The following PTPRD variants were observed in gnomAD, a reference collection of about 807,000 sequenced individuals.
PTPRD encodes the protein protein tyrosine phosphatase receptor type D, also known as receptor-type tyrosine-protein phosphatase delta.
Under a neutral mutation model 214.5 loss-of-function variants are expected in PTPRD, and 34 were observed. That is an observed-to-expected ratio of 0.16 (90% CI 0.12 to 0.21). The LOEUF (loss-of-function observed/expected upper bound fraction) is 0.21, where lower values mean the gene tolerates loss of function less well. PTPRD is among the 10% of genes least tolerant of loss of function. PTPRD has a pLI of 1.00. For synonymous variants in PTPRD, 1,128 were observed against 845.7 expected (o/e 1.33, Z -5.79); for missense variants, 2,545 against 2,398.7 (o/e 1.06, Z -1.27).
intron 11 of PTPRD, among the ~76,000 whole-genome samples, chr9:9,009,898 T>C (rs2099501080): frequency 6.6e-6 from 1 of 152,034 alleles, no homozygotes; most frequent in African/African-American, 2.4e-5. Flanking sequence ...CAAGGAGTTA[T>C]GAGAATTTTA....
intron 9 of PTPRD, among the ~76,000 whole-genome samples, chr9:9,364,013 T>C (rs1282997638): frequency 6.6e-6 from 1 of 151,438 alleles, no homozygotes; most frequent in Non-Finnish European, 1.5e-5. Flanking sequence ...AATACCACTT[T>C]AGAAAACATT....
chr9:10,142,668 C>T (rs2098994522), intron 3 of PTPRD, among the ~76,000 whole-genome samples: 2 of 148,682 alleles, frequency 1.3e-5, no homozygotes, highest in South Asian at 4.4e-4. Context: ...CACTTTTACA[C>T]TGTTGGTGGG....
chr9:10,304,039 G>C (rs2095964358), intron 3 of PTPRD, among the ~76,000 whole-genome samples: 1 of 152,136 alleles, frequency 6.6e-6, no homozygotes, highest in Non-Finnish European at 1.5e-5. Context: ...AGTGATTCCA[G>C]CAGCACATCA....
intron 11 of PTPRD, among the ~76,000 whole-genome samples, chr9:8,865,796 G>A (rs145361454): frequency 1.5e-4 from 23 of 152,218 alleles, no homozygotes; most frequent in Admixed American, 1.1e-3. Context: ...AAGGTACAAC[G>A]ACCTAGAGTT....
intron 10 of PTPRD, among the ~76,000 whole-genome samples, chr9:9,081,823 C>CTT (rs201454000): frequency 8.4e-4 from 115 of 137,676 alleles, no homozygotes; most frequent in African/African-American, 3.0e-3. Context: ...GCAACTCCTG[C>CTT]TTTTTTTTTT....
chr9:9,455,733 G>T (rs997892425), intron 8 of PTPRD, among the ~76,000 whole-genome samples: 1 of 151,554 alleles, frequency 6.6e-6, no homozygotes, highest in Non-Finnish European at 1.5e-5. Context: ...GCATGGAATA[G>T]GTTGTAGAAA....
intron 2 of PTPRD, among the ~76,000 whole-genome samples, chr9:10,425,930 T>A (rs1162653307): frequency 1.3e-5 from 2 of 152,102 alleles, no homozygotes; most frequent in Non-Finnish European, 2.9e-5. Context: ...TCTTTGTAGA[T>A]CGTATATAGA....
At chr9:10,310,189 T>C (rs1479707799) in intron 3 of PTPRD, among the ~76,000 whole-genome samples, 1 of 152,078 alleles carries the variant, frequency 6.6e-6, no homozygotes, top group African/African-American at 2.4e-5. Context: ...ACTCTTCTCA[T>C]TTGTTTCAGG....
At position 8,518,430 on chromosome 9, in the gene PTPRD, C is replaced by A; in HGVS notation, c.962-1G>T. 6.3e-7 allele frequency: 1 copy of A among 1,584,438 alleles called. No homozygotes were observed. Among genetic ancestry groups the A allele is most frequent in the South Asian group, 1.2e-5 (1 of 86,574 alleles). ...GGAGTTCCTGGAGGTTTGGGTAAGG[C>A]TTGGATGGGGGAAGATAAAAGACAA... On this transcript the variant is annotated splice_acceptor_variant, in intron 20 of 45. Coordinates refer to ENST00000381196, the MANE Select transcript of PTPRD (RefSeq NM_002839.4). LOFTEE classifies it high-confidence loss of function.
chr9:8,491,636 A>G (rs79109364), intron 27 of PTPRD, among the ~76,000 whole-genome samples: 1 of 149,794 alleles, frequency 6.7e-6, no homozygotes, highest in African/African-American at 2.5e-5. Flanking sequence ...AGGGCATTAA[A>G]TTAGCTTGAT....
intron 2 of PTPRD, among the ~76,000 whole-genome samples, chr9:10,467,285 G>A (rs541677006): frequency 3.9e-4 from 59 of 152,352 alleles, no homozygotes; most frequent in African/African-American, 1.4e-3. Context: ...TCAATATACT[G>A]TGTTGTTTTA....
chr9:9,098,320 G>T lies in PTPRD; in HGVS notation c.-142-79585C>A, dbSNP rs10977489. On this transcript the variant is annotated intron_variant, in intron 10 of 45. Transcript: ENST00000381196. ...TTCCCGGGCTGAAGTGCAGTGGTGT[G>T]CTGTTGGCTCACTGCAGCCTCCGTC... Among the ~76,000 whole-genome samples the T allele has an allele frequency of 8.2e-3, 1,253 of 152,130 alleles. 8 individuals carry two copies. Among genetic ancestry groups the T allele is most frequent in the Non-Finnish European group, 0.015 (986 of 67,972 alleles).
chr9:10,273,195 G>T (rs972606926), intron 3 of PTPRD, among the ~76,000 whole-genome samples: 1 of 152,246 alleles, frequency 6.6e-6, no homozygotes, highest in African/African-American at 2.4e-5. Context: ...ATACACATGA[G>T]AGCTTGGAAA....
intron 10 of PTPRD, among the ~76,000 whole-genome samples, chr9:9,094,197 G>A (rs1019093957): frequency 1.3e-5 from 2 of 152,092 alleles, no homozygotes; most frequent in African/African-American, 2.4e-5. Flanking sequence ...ACGTTAGAAA[G>A]TCATTACGTG....
At position 8,995,365 on chromosome 9, in the gene PTPRD, T is replaced by G. The variant is rs185477181; in HGVS notation, c.-104+23332A>C. 1.8e-3 allele frequency among the ~76,000 whole-genome samples: 270 copies of G among 152,218 alleles called. 1 individual carries two copies. Among genetic ancestry groups the G allele is most frequent in the African/African-American group, 6.3e-3 (262 of 41,570 alleles). On this transcript the variant is annotated intron_variant, in intron 11 of 45. Transcript: ENST00000381196. ...AATATACTGTAAAAGAATCACATTTTCCTCATCCTCCAAGTTGATATTAAG... is the reference window on the plus strand; with the variant it reads ...AATATACTGTAAAAGAATCACATTTGCCTCATCCTCCAAGTTGATATTAAG...
chr9:8,371,485 G>C (rs927676808), intron 39 of PTPRD, among the ~76,000 whole-genome samples: 1 of 151,972 alleles, frequency 6.6e-6, no homozygotes, highest in Admixed American at 6.6e-5. Context: ...CCTATTCTAT[G>C]AGAATTTACA....
At chr9:10,303,631 T>A (rs582806) in intron 3 of PTPRD, among the ~76,000 whole-genome samples, 37,167 of 151,722 alleles carry the variant, frequency 0.24, 5,007 homozygotes, top group African/African-American at 0.37. Context: ...AATACTATAA[T>A]CATCTGTAGG....
At chr9:9,134,347 A>G (rs552604203) in intron 10 of PTPRD, among the ~76,000 whole-genome samples, 1 of 136,936 alleles carries the variant, frequency 7.3e-6, no homozygotes, top group South Asian at 2.2e-4. Flanking sequence ...TGCTGGGATT[A>G]CAGGCGTGAG....
intron 29 of PTPRD, 58 bp downstream of exon 29, chr9:8,485,169 G>C (rs1174473483): frequency 6.8e-7 from 1 of 1,460,484 alleles, no homozygotes; most frequent in Non-Finnish European, 9.5e-7. Context: ...AACTTACCCA[G>C]ATAAACTGTC....
Sources: gnomAD v4.1 joint callset for allele counts (sites outside exome capture counted in the v4.1 genomes callset) on GRCh38, gnomAD v4.1.1 for gene constraint, MANE v1.5 for transcripts, NCBI Gene and HGNC (gene_info 2026-07-23, HGNC 2026-07-21) for gene names.